Variants in CNTN4 observed in about 807,000 individuals in gnomAD.
CNTN4 encodes contactin-4.
Under a neutral mutation model 122.5 loss-of-function variants are expected in CNTN4, and 77 were observed. That is an observed-to-expected ratio of 0.63 (90% CI 0.52 to 0.76). The LOEUF is 0.76. Among genes scored for constraint, CNTN4 ranks in the 30% least tolerant of loss-of-function variants. The pLI is 0.00. For synonymous variants in CNTN4, 512 were observed against 447.0 expected, an observed-to-expected ratio of 1.15 and a Z score of -1.83; for missense variants, 1,256 against 1,259.1, an observed-to-expected ratio of 1.00 and a Z score of 0.04.
chr3:2,241,246 G>T (rs893150873), intron 2 of CNTN4, among the ~76,000 whole-genome samples: 1 of 152,128 alleles, frequency 6.6e-6, no homozygotes, highest in African/African-American at 2.4e-5. Flanking sequence ...TAGAAAAGTT[G>T]TAGATATCAT....
intron 3 of CNTN4, among the ~76,000 whole-genome samples, chr3:2,509,270 C>T (rs1284050825): frequency 2.0e-5 from 3 of 152,066 alleles, no homozygotes; most frequent in African/African-American, 4.8e-5. Context: ...AGTAGATCTG[C>T]TAAAGTCTCA....
chr3:2,491,245 A>G (rs2076308919), intron 3 of CNTN4, among the ~76,000 whole-genome samples: 1 of 152,184 alleles, frequency 6.6e-6, no homozygotes. Flanking sequence ...AAATGTATGA[A>G]TTTATGATTA....
chr3:2,729,561 A>AAG (rs2088517999), intron 4 of CNTN4, among the ~76,000 whole-genome samples: 1 of 150,560 alleles, frequency 6.6e-6, no homozygotes, highest in African/African-American at 2.4e-5. Context: ...AAAAAAAAAA[A>AAG]AAGAAGAGAA....
At chr3:2,255,101 T>G (rs1404290550) in intron 2 of CNTN4, among the ~76,000 whole-genome samples, 1 of 152,246 alleles carries the variant, frequency 6.6e-6, no homozygotes, top group Non-Finnish European at 1.5e-5. Flanking sequence ...GTTTTCTGCT[T>G]ACGGCTAGCC....
chr3:2,619,057 T>C lies in CNTN4; in HGVS notation c.55+47499T>C, dbSNP rs567209792. On this transcript the variant is annotated intron_variant, in intron 4 of 24. Coordinates refer to ENST00000418658, the MANE Select transcript of CNTN4 (RefSeq NM_175607.3). ...CATAATAATGAGACAGTAGCACTTATATTGCCTGAGAGTTTCTGTTTACTT... is the reference window on the plus strand; with the variant it reads ...CATAATAATGAGACAGTAGCACTTACATTGCCTGAGAGTTTCTGTTTACTT... Among the ~76,000 whole-genome samples, 15 of 152,336 alleles carry C rather than the reference T, an allele frequency of 9.8e-5. 1 individual carries two copies. In the South Asian group the frequency reaches 2.1e-3, roughly 21 times the overall value.
intron 13 of CNTN4, among the ~76,000 whole-genome samples, chr3:2,966,196 T>C (rs1692291708): frequency 6.6e-6 from 1 of 152,152 alleles, no homozygotes; most frequent in Non-Finnish European, 1.5e-5. Context: ...AAAATAAATA[T>C]TGGCTGTTAA....
At chr3:3,048,500 C>T (rs925916302) in intron 23 of CNTN4, among the ~76,000 whole-genome samples, 1 of 127,200 alleles carries the variant, frequency 7.9e-6, no homozygotes, top group Admixed American at 8.6e-5. Flanking sequence ...AACTCTCTCT[C>T]TTTCTCTCTC....
At chr3:2,635,584 C>T (rs575421373) in intron 4 of CNTN4, among the ~76,000 whole-genome samples, 23 of 152,138 alleles carry the variant, frequency 1.5e-4, no homozygotes, top group Non-Finnish European at 3.1e-4. Flanking sequence ...ACAAGGGCGC[C>T]TTGAATGTGC....
At chr3:2,888,207 C>A (rs1372305855) in intron 10 of CNTN4, among the ~76,000 whole-genome samples, 1 of 152,126 alleles carries the variant, frequency 6.6e-6, no homozygotes, top group Non-Finnish European at 1.5e-5. Context: ...CAGAAGGGGA[C>A]CCCTCTTGGC....
At chr3:2,743,469 T>C (rs2089581963) in intron 5 of CNTN4, among the ~76,000 whole-genome samples, 3 of 152,220 alleles carry the variant, frequency 2.0e-5, no homozygotes, top group Non-Finnish European at 4.4e-5. Context: ...GTACCTCATG[T>C]TTCTATTTCA....
intron 4 of CNTN4, among the ~76,000 whole-genome samples, chr3:2,585,455 A>G (rs1416739559): frequency 6.6e-6 from 1 of 152,138 alleles, no homozygotes; most frequent in East Asian, 1.9e-4. Flanking sequence ...TCCATCAGTG[A>G]TAGACTGGAT....
At chr3:2,312,341 C>A (rs1020005887) in intron 2 of CNTN4, among the ~76,000 whole-genome samples, 1 of 152,052 alleles carries the variant, frequency 6.6e-6, no homozygotes, top group African/African-American at 2.4e-5. Context: ...AGTTTTCATC[C>A]TCCTGAATAA....
At chr3:2,842,212 T>C (rs1348968760) in intron 7 of CNTN4, among the ~76,000 whole-genome samples, 2 of 152,194 alleles carry the variant, frequency 1.3e-5, no homozygotes, top group African/African-American at 4.8e-5. Flanking sequence ...CAGGGCTGTG[T>C]GAAGAGAACC....
chr3:2,810,761 C>G (rs532045789), intron 6 of CNTN4, among the ~76,000 whole-genome samples: 1 of 152,172 alleles, frequency 6.6e-6, no homozygotes, highest in Admixed American at 6.5e-5. Flanking sequence ...TGATTAATAG[C>G]AAGGTCATAC....
At chr3:2,586,337 G>T (rs1380155172) in intron 4 of CNTN4, among the ~76,000 whole-genome samples, 3 of 152,204 alleles carry the variant, frequency 2.0e-5, no homozygotes, top group Non-Finnish European at 4.4e-5. Context: ...TTATTGCCCA[G>T]GCTGGGGTAA....
At chr3:2,726,127 C>T (rs1362759556) in intron 4 of CNTN4, among the ~76,000 whole-genome samples, 5 of 152,148 alleles carry the variant, frequency 3.3e-5, no homozygotes, top group Non-Finnish European at 7.3e-5. Flanking sequence ...TGGCTTCATT[C>T]TCTTTTTAGG....
Position 2,328,384 on chromosome 3 carries a change from C to G in CNTN4, c.-144-10794C>G, listed in dbSNP as rs534317444. ...TGGCGCCACCGCCCTCCAGCCTGGG[C>G]GACAGAGCGAGACTCCGTCTCAAAA... On this transcript the variant is annotated intron_variant, in intron 2 of 24. Transcript: ENST00000418658. Among the ~76,000 whole-genome samples, 303 of 151,614 alleles carry G rather than the reference C, an allele frequency of 2.0e-3. 2 individuals are homozygous for G. Among genetic ancestry groups the G allele is most frequent in the African/African-American group, 5.3e-3 (218 of 41,408 alleles).
chr3:2,906,565 C>T (rs908608538), intron 12 of CNTN4, among the ~76,000 whole-genome samples: 8 of 151,938 alleles, frequency 5.3e-5, no homozygotes, highest in South Asian at 2.1e-4. Context: ...TGGCCGGGCA[C>T]GGTGGCTCAC....
At chr3:2,670,527 T>C (rs559750690) in intron 4 of CNTN4, among the ~76,000 whole-genome samples, 2 of 151,448 alleles carry the variant, frequency 1.3e-5, no homozygotes, top group Admixed American at 1.3e-4. Flanking sequence ...AGCACACTGA[T>C]GGATCTTGAC....
Sources: allele counts gnomAD v4.1 joint callset (sites outside exome capture counted in the v4.1 genomes callset), GRCh38; gene constraint gnomAD v4.1.1; transcripts MANE v1.5; gene names NCBI Gene and HGNC (gene_info 2026-07-23, HGNC 2026-07-21).